TAF1C: variants seen among roughly 807,000 people sequenced by gnomAD.
TAF1C encodes the protein TATA box-binding protein-associated factor RNA polymerase I subunit C.
A neutral mutation model predicts 70.5 loss-of-function variants in TAF1C; 79 were observed. The observed-to-expected ratio is 1.12, with a 90% confidence interval of 0.93 to 1.35. The LOEUF is 1.35. Among genes scored for constraint, TAF1C ranks in the 40% most tolerant of loss-of-function variants. TAF1C has a pLI of 0.00. For synonymous variants in TAF1C, 614 were observed against 491.1 expected, an observed-to-expected ratio of 1.25 and a Z score of -3.31; for missense variants, 1,412 against 1,127.8, an observed-to-expected ratio of 1.25 and a Z score of -3.61.
intron 12 of TAF1C, chr16:84,180,605 G>A (rs1271113151): frequency 1.7e-6 from 1 of 585,374 alleles, no homozygotes; most frequent in East Asian, 3.4e-5. Flanking sequence ...GGGGAGCCTT[G>A]CCAGCAGAAA....
Position 84,182,587 on chromosome 16 carries a change from C to G in TAF1C, c.483-147G>C. 1.3e-6 allele frequency: 1 copy of G among 761,398 alleles called. No individual in the cohort carries two copies. The highest frequency in any genetic ancestry group is 1.9e-5 in the South Asian group (1 of 53,968). The allele number at this position is 761,398 out of a possible 1,614,324, so 47.2% of individuals were successfully genotyped here. A position where few individuals can be genotyped will look rare whatever the true frequency, so the allele number is the denominator to read the frequency against. On this transcript the variant is annotated intron_variant, in intron 6 of 14. Coordinates refer to ENST00000566732, the MANE Select transcript of TAF1C (RefSeq NM_001243156.2). This position sits in a 1 kb window ranked among gnomAD's most constrained non-coding sequence, Gnocchi z 5.0. Reference sequence around the variant, plus strand: ...AGACCACCCCATCCTGTTCCCATGCCCCGGAAGCAATCATGTGACCCAGAC... The same window carrying G: ...AGACCACCCCATCCTGTTCCCATGCGCCGGAAGCAATCATGTGACCCAGAC...
rs2089304361 is a variant in TAF1C, at chr16:84,183,319, G to C, written c.333C>G (p.Leu111=). 3 of 1,614,008 alleles carry C rather than the reference G, an allele frequency of 1.9e-6. No homozygotes were observed. The highest frequency in any genetic ancestry group is 2.5e-6 in the Non-Finnish European group (3 of 1,180,030). ...LDVTEQISRF[L]LDHGDVAFAP... is the part of the protein sequence containing the mutation. ...CAAAGGCTACGTCTCCATGATCCAAGAGGAACCGGCTGATCTGGGGAGAAG... is the reference window on the plus strand; with the variant it reads ...CAAAGGCTACGTCTCCATGATCCAACAGGAACCGGCTGATCTGGGGAGAAG... Residue 111 remains leucine, a synonymous_variant, in exon 5 of 15, where the codon CTC becomes CTG. Coordinates refer to ENST00000566732, the MANE Select transcript of TAF1C (RefSeq NM_001243156.2).
chr16:84,183,035 G>T (rs779296386), intron 6 of TAF1C, 41 bp downstream of exon 6: 1 of 1,604,896 alleles, frequency 6.2e-7, no homozygotes, highest in Non-Finnish European at 8.5e-7. Flanking sequence ...CCCACCACCA[G>T]CTATGCCTAT....
intron 6 of TAF1C, 23 bp downstream of exon 6, chr16:84,183,053 C>G (rs2089291531): frequency 6.2e-7 from 1 of 1,613,646 alleles, no homozygotes; most frequent in Non-Finnish European, 8.5e-7. Flanking sequence ...TATCCATCTC[C>G]TCCTTTCTCA....
In TAF1C at chr16:84,179,554, C is replaced by A. The variant is rs2088982474; in HGVS notation, c.1919G>T (p.Ser640Ile). The A allele has an allele frequency of 6.2e-7, 1 of 1,612,322 alleles. No individual in the cohort carries two copies. The highest frequency in any genetic ancestry group is 8.5e-7 in the Non-Finnish European group (1 of 1,179,796). Residue 640 changes from serine to isoleucine, a missense_variant, in exon 15 of 15, where the codon AGC becomes ATC. Physicochemically the swap from Ser to Ile is moderately radical, Grantham distance 142. Coordinates refer to ENST00000566732, the MANE Select transcript of TAF1C (RefSeq NM_001243156.2). ...PTFTHRQMLG[S>I]TELRREEEEG... ...CTCTTCCTCCCTCCGCAGCTCTGTG[C>A]TGCCCAGCATCTGGCGGTGGGTGAA...
In TAF1C at chr16:84,183,737, C is replaced by A. The variant is rs780554691; in HGVS notation, c.180G>T (p.Pro60=). 3 of 1,612,990 alleles carry A rather than the reference C, an allele frequency of 1.9e-6. 1 individual carries two copies. The South Asian group carries it at 3.3e-5, about 18-fold the overall frequency. The change falls in exon 3 of 15, where the codon CCG becomes CCT. Residue 60 remains proline, a synonymous_variant. Coordinates refer to ENST00000566732, the MANE Select transcript of TAF1C (RefSeq NM_001243156.2). The stretch of plus-strand genomic sequence containing the variant: ...GCATGGGGAGAGGCCCAGGGGTTGC[C>A]GGCTCCCACAGCAGGTCCTTGGTCA... The part of the protein sequence containing the change: ...LHVTKDLLWE[P]ATPGPLPMLP...
chr16:84,185,043 T>A lies in TAF1C; in HGVS notation c.-55A>T, dbSNP rs2151314396. 2 of 1,582,868 alleles carry A rather than the reference T, an allele frequency of 1.3e-6. No homozygotes were observed. Among genetic ancestry groups the A allele is most frequent in the Non-Finnish European group, 1.7e-6 (2 of 1,163,572 alleles). On this transcript the variant is annotated 5_prime_UTR_variant, in exon 2 of 15. Transcript: ENST00000566732. ...GCCACCTCGAGAGACTGGAAGCTGGTAAGGGGCGCCAGAGTTCCTGAGGAG... is the reference window on the plus strand; with the variant it reads ...GCCACCTCGAGAGACTGGAAGCTGGAAAGGGGCGCCAGAGTTCCTGAGGAG...
rs758553070 is a variant in TAF1C at position 84,179,346 on chromosome 16, C to T, written c.2127G>A (p.Arg709=). The T allele has an allele frequency of 3.1e-6, 5 of 1,601,332 alleles. No individual in the cohort carries two copies. The highest frequency in any genetic ancestry group is 1.3e-5 in the African/African-American group (1 of 75,024). Residue 709 remains arginine (R), a synonymous_variant, in exon 15 of 15, where the codon AGG becomes AGA. Coordinates refer to ENST00000566732, the MANE Select transcript of TAF1C (RefSeq NM_001243156.2). ...CGGGCTCCGAGGTCCTGCCCTGCTGCCTCTCCCACCAGGCAGCCCCTCGGC... is the reference window on the plus strand; with the variant it reads ...CGGGCTCCGAGGTCCTGCCCTGCTGTCTCTCCCACCAGGCAGCCCCTCGGC... The part of the protein sequence containing the change: ...WAGRGAAWWE[R]QQGRTSEPGR...
Position 84,179,278 on chromosome 16 carries a change from C to T in TAF1C, c.2195G>A (p.Ser732Asn). The T allele has an allele frequency of 6.3e-7, 1 of 1,589,608 alleles. No individual in the cohort carries two copies. The highest frequency in any genetic ancestry group is 2.3e-5 in the East Asian group (1 of 44,220). Residue 732 changes from serine (S) to asparagine (N), a missense_variant, in exon 15 of 15, where the codon AGC becomes AAC. Ser to Asn is a conservative substitution (Grantham distance 46). Coordinates refer to ENST00000566732, the MANE Select transcript of TAF1C (RefSeq NM_001243156.2). ...CACATGGCCACTGAGCGAAAAGCTG[C>T]TGGACAGCTGGGTCCGGCGCTTGGG... is the stretch of plus-strand genomic sequence containing the variant. ...RRPKRRTQLSSSFSLSGHVDP... is the reference protein window; with the variant it reads ...RRPKRRTQLSNSFSLSGHVDP...
Position 84,178,738 on chromosome 16 carries a change from A to C in TAF1C, c.*203T>G, listed in dbSNP as rs1239661204. ...GCCTTGCGGGATGATCTTCAGGCGA[A>C]TATACAAAATACAAAAGAAACTACT... On this transcript the variant is annotated 3_prime_UTR_variant, in exon 15 of 15. Coordinates refer to ENST00000566732, the MANE Select transcript of TAF1C (RefSeq NM_001243156.2). 1 of 614,328 alleles carries C rather than the reference A, an allele frequency of 1.6e-6. No homozygotes were observed. The highest frequency in any genetic ancestry group is 1.8e-5 in the African/African-American group (1 of 54,174). The allele number at this position is 614,328 out of a possible 1,614,324, so 38.1% of individuals were successfully genotyped here. A position where few individuals can be genotyped will look rare whatever the true frequency, so the allele number is the denominator to read the frequency against.
chr16:84,178,491 G>A lies in TAF1C; in HGVS notation c.*450C>T. The A allele has an allele frequency of 4.3e-6, 2 of 460,878 alleles. No individual in the cohort carries two copies. The highest frequency in any genetic ancestry group is 8.7e-6 in the Non-Finnish European group (2 of 231,040). The allele number at this position is 460,878 out of a possible 1,614,324, so 28.5% of individuals were successfully genotyped here. ...GACAAAGCAACCCACAACAGCAGCT[G>A]CCAACGGCCGCTGTGCCCACCTCAT... On this transcript the variant is annotated 3_prime_UTR_variant, in exon 15 of 15. Transcript: ENST00000566732.
At chr16:84,181,692 G>A (rs1470277456) in intron 9 of TAF1C, 29 bp from the exon 10 acceptor site, 3 of 1,613,954 alleles carry the variant, frequency 1.9e-6, no homozygotes, top group Non-Finnish European at 2.5e-6. Flanking sequence ...TTCACATCGG[G>A]CTGCTCAGCC....
Position 84,179,597 on chromosome 16 carries a change from C to T in TAF1C, c.1876G>A (p.Val626Met). The stretch of plus-strand genomic sequence containing the variant: ...TGGGTGAAGGTGGGTGCTGTCCACA[C>T]AGGAGGAGCCAGGGGCACTTTTAGC... Reference protein sequence around the residue: ...ALLKVPLAPPVWTAPTFTHRQ... With the variant: ...ALLKVPLAPPMWTAPTFTHRQ... The change falls in exon 15 of 15, where the codon GTG (valine) becomes ATG (methionine). Residue 626 changes from valine (V) to methionine (M), a missense_variant. By Grantham distance (21) the Val-to-Met change is conservative. Transcript: ENST00000566732. The T allele has an allele frequency of 6.2e-7, 1 of 1,612,742 alleles. No homozygotes were observed. The highest frequency in any genetic ancestry group is 8.5e-7 in the Non-Finnish European group (1 of 1,179,914).
chr16:84,181,545 G>A (rs539124933), intron 10 of TAF1C, 47 bp downstream of exon 10: 31 of 1,613,856 alleles, frequency 1.9e-5, no homozygotes, highest in East Asian at 8.9e-5. Flanking sequence ...TCAACAGGGC[G>A]GAGTTCAGTT....
rs4150180 is a variant in TAF1C at position 84,178,366 on chromosome 16, G to T, written c.*575C>A. The T allele has an allele frequency of 2.4e-5, 11 of 456,784 alleles. No homozygotes were observed. Among genetic ancestry groups the T allele is most frequent in the Non-Finnish European group, 4.0e-5 (9 of 227,198 alleles). 28.3% of individuals were successfully genotyped at this position (456,784 alleles called of 1,614,324 possible). On this transcript the variant is annotated 3_prime_UTR_variant, in exon 15 of 15. Coordinates refer to ENST00000566732, the MANE Select transcript of TAF1C (RefSeq NM_001243156.2). ...CGGGACGCTGTCCAGCCTAAAAAAC[G>T]TGACCATTCCAATTCATCTTCAGCT...
chr16:84,181,459 G>A lies in TAF1C; in HGVS notation c.1033C>T (p.Arg345Trp), dbSNP rs138550395. 51 of 1,613,592 alleles carry A rather than the reference G, an allele frequency of 3.2e-5. No individual in the cohort carries two copies. The highest frequency in any genetic ancestry group is 4.5e-5 in the East Asian group (2 of 44,884). The part of the protein sequence containing the change: ...VCLWSPEDGL[R>W]QIYRDPETLV... The stretch of plus-strand genomic sequence containing the variant: ...GTCTCAGGGTCCCTGTAGATTTGCC[G>A]CAGCCTTGGGGAGACAGGCAAGCCG... Residue 345 changes from arginine to tryptophan, a missense_variant, in exon 11 of 15, where the codon CGG becomes TGG. Coordinates refer to ENST00000566732, the MANE Select transcript of TAF1C (RefSeq NM_001243156.2).
At position 84,179,763 on chromosome 16, in the gene TAF1C, G is replaced by A. The variant is rs771739742; in HGVS notation, c.1710C>T (p.Tyr570=). 1.7e-5 allele frequency: 27 copies of A among 1,610,002 alleles called. No individual in the cohort carries two copies. In the East Asian group the frequency reaches 5.4e-4, roughly 32 times the overall value. The stretch of plus-strand genomic sequence containing the variant: ...AGTCCACCTGGGGGCGGAGCTGCTG[G>A]TAGAAGACATCTCCCGCCGCCGAGA... The part of the protein sequence containing the change: ...FQLSAAGDVF[Y]QQLRPQVDSS... Residue 570 remains tyrosine, a synonymous_variant, in exon 15 of 15, where the codon TAC becomes TAT. Coordinates refer to ENST00000566732, the MANE Select transcript of TAF1C (RefSeq NM_001243156.2).
Position 84,183,430 on chromosome 16 carries a change from C to T in TAF1C, c.298G>A (p.Val100Met), listed in dbSNP as rs753903803. The T allele has an allele frequency of 5.0e-5, 80 of 1,612,428 alleles. 1 individual carries two copies. The East Asian group carries it at 5.6e-4, about 11-fold the overall frequency. The change falls in exon 4 of 15, where the codon GTG (valine) becomes ATG (methionine). Residue 100 changes from valine to methionine, a missense_variant. Physicochemically the swap from Val to Met is conservative, Grantham distance 21. Transcript: ENST00000566732. ...GCRYRKRPRV[V>M]LDVTEQISRF... The stretch of plus-strand genomic sequence containing the variant: ...CTCACCTGCTCAGTCACATCCAGCA[C>T]GACTCGGGGCCGCTTCCGATACCGG...
chr16:84,184,703 C>A (rs2089387486), intron 2 of TAF1C, 148 bp downstream of exon 2: 4 of 1,036,682 alleles, frequency 3.9e-6, no homozygotes, highest in South Asian at 3.5e-5. Flanking sequence ...AGCCCATGTA[C>A]CCCAGAGGAG....
Sources: gnomAD v4.1 joint callset for allele counts on GRCh38, gnomAD v4.1.1 for gene constraint, Gnocchi (gnomAD v3.1) non-coding constraint, MANE v1.5 for transcripts, NCBI Gene and HGNC (gene_info 2026-07-23, HGNC 2026-07-21) for gene names.